The following RSPO3 variants were observed in gnomAD, a reference collection of about 807,000 sequenced individuals.
The protein encoded by RSPO3 is R-spondin 3, also known as R-spondin-3.
A neutral mutation model predicts 36.5 loss-of-function variants in RSPO3; 17 were observed. That is an observed-to-expected ratio of 0.47 (90% CI 0.32 to 0.70). RSPO3 has a LOEUF of 0.70. Among genes scored for constraint, RSPO3 ranks in the 30% least tolerant of loss-of-function variants. The pLI, the probability that RSPO3 is intolerant of heterozygous loss-of-function variation, is 0.04. For synonymous variants in RSPO3, 108 were observed against 107.0 expected (o/e 1.01, Z -0.06); for missense variants, 294 against 322.5 (o/e 0.91, Z 0.68).
At chr6:127,146,016 T>C (rs1319769888) in intron 1 of RSPO3, among the ~76,000 whole-genome samples, 2 of 152,148 alleles carry the variant, frequency 1.3e-5, no homozygotes, top group African/African-American at 4.8e-5. Flanking sequence ...ATGATCCTTA[T>C]ACGGCATTCA....
chr6:127,168,045 T>C (rs891048553), intron 4 of RSPO3, among the ~76,000 whole-genome samples: 1 of 152,192 alleles, frequency 6.6e-6, no homozygotes, highest in African/African-American at 2.4e-5. Flanking sequence ...CAATTGTGAA[T>C]AGTGCTGCAA....
At chr6:127,168,567 T>C (rs1289728763) in intron 4 of RSPO3, among the ~76,000 whole-genome samples, 1 of 152,258 alleles carries the variant, frequency 6.6e-6, no homozygotes, top group African/African-American at 2.4e-5. Context: ...ACTCTGATGG[T>C]AGTTTCTTTT....
chr6:127,164,908 T>G (rs1774784367), intron 4 of RSPO3, among the ~76,000 whole-genome samples: 1 of 152,090 alleles, frequency 6.6e-6, no homozygotes, highest in African/African-American at 2.4e-5. Flanking sequence ...CTTTTCCTAT[T>G]TTTGCAAAGA....
chr6:127,173,720 C>T (rs1435973902), intron 4 of RSPO3, among the ~76,000 whole-genome samples: 4 of 151,752 alleles, frequency 2.6e-5, no homozygotes, highest in Admixed American at 6.6e-5. Context: ...GGGAACACAA[C>T]GTGCATGTGC....
rs190734208 is a variant in RSPO3, at chr6:127,165,261, T to C, written c.634+9823T>C. Among the ~76,000 whole-genome samples, 193 of 152,096 alleles carry C rather than the reference T, an allele frequency of 1.3e-3. 2 individuals are homozygous for C. Among genetic ancestry groups the C allele is most frequent in the Non-Finnish European group, 1.4e-3 (92 of 67,972 alleles). On this transcript the variant is annotated intron_variant, in intron 4 of 4. Coordinates refer to ENST00000356698, the MANE Select transcript of RSPO3 (RefSeq NM_032784.5). Reference sequence around the variant, plus strand: ...GTCTTCACAGAAATAAGAACCTAGGTTTTCATAATGTAATTAGTAGAATAC... The same window carrying C: ...GTCTTCACAGAAATAAGAACCTAGGCTTTCATAATGTAATTAGTAGAATAC...
Position 127,176,564 on chromosome 6 carries a change from T to C in RSPO3, c.635-19259T>C, listed in dbSNP as rs959534397. Among the ~76,000 whole-genome samples, 3 of 151,398 alleles carry C rather than the reference T, an allele frequency of 2.0e-5. No individual in the cohort carries two copies. In the Admixed American group the frequency reaches 2.0e-4, roughly 10 times the overall value. On this transcript the variant is annotated intron_variant, in intron 4 of 4. Transcript: ENST00000356698. Reference sequence around the variant, plus strand: ...ACTATTTTTGATACGGTCAAACAAATACAAAGAATAAGCTTTTAAAAAACT... The same window carrying C: ...ACTATTTTTGATACGGTCAAACAAACACAAAGAATAAGCTTTTAAAAAACT...
intron 1 of RSPO3, among the ~76,000 whole-genome samples, chr6:127,129,565 C>G (rs963959919): frequency 2.0e-5 from 3 of 152,046 alleles, no homozygotes; most frequent in Admixed American, 2.0e-4. Context: ...AACGTCAGAC[C>G]TAGTTAATTG....
intron 4 of RSPO3, among the ~76,000 whole-genome samples, chr6:127,161,633 T>C (rs192608791): frequency 3.3e-5 from 5 of 152,212 alleles, no homozygotes; most frequent in Non-Finnish European, 5.9e-5. Context: ...GAATTATTTG[T>C]AGGCTTTTCT....
intron 4 of RSPO3, among the ~76,000 whole-genome samples, chr6:127,184,722 A>T (rs1171092500): frequency 6.6e-6 from 1 of 152,020 alleles, no homozygotes; most frequent in African/African-American, 2.4e-5. Flanking sequence ...GTTAAAAGTC[A>T]TATAAGTTAC....
chr6:127,181,167 T>C (rs540257479), intron 4 of RSPO3, among the ~76,000 whole-genome samples: 1 of 151,998 alleles, frequency 6.6e-6, no homozygotes, highest in South Asian at 2.1e-4. Flanking sequence ...CCCAAGGTCA[T>C]AGCAGCTATA....
intron 4 of RSPO3, among the ~76,000 whole-genome samples, chr6:127,188,016 C>T (rs1775331152): frequency 6.6e-6 from 1 of 152,070 alleles, no homozygotes; most frequent in Non-Finnish European, 1.5e-5. Flanking sequence ...TACCCAGTGC[C>T]TTTAATAGTT....
At position 127,134,596 on chromosome 6, in the gene RSPO3, G is replaced by A. The variant is rs551701001; in HGVS notation, c.98-14052G>A. On this transcript the variant is annotated intron_variant, in intron 1 of 4. Transcript: ENST00000356698. ...TGGATTCTTATGTAACTTTGTTGAT[G>A]ACCTTTCCTAACCTCAGTTGATAGC... 2.6e-5 allele frequency among the ~76,000 whole-genome samples: 4 copies of A among 152,244 alleles called. No individual in the cohort carries two copies. The East Asian group carries it at 7.7e-4, about 29-fold the overall frequency.
chr6:127,197,609 C>A lies in RSPO3; in HGVS notation c.*1602C>A. ...CTGTGATTCCTAGCCCTCTCAAGAT[C>A]ACTGCTTTCTGAAGAATTTGCAATG... is the stretch of plus-strand genomic sequence containing the variant. On this transcript the variant is annotated 3_prime_UTR_variant, in exon 5 of 5. Coordinates refer to ENST00000356698, the MANE Select transcript of RSPO3 (RefSeq NM_032784.5). 1 of 1,467,678 alleles carries A rather than the reference C, an allele frequency of 6.8e-7. No homozygotes were observed. The highest frequency in any genetic ancestry group is 1.4e-5 in the South Asian group (1 of 73,342). The allele number at this position is 1,467,678 out of a possible 1,614,324, so 90.9% of individuals were successfully genotyped here. A position where few individuals can be genotyped will look rare whatever the true frequency, so the allele number is the denominator to read the frequency against.
intron 4 of RSPO3, among the ~76,000 whole-genome samples, chr6:127,185,281 G>A (rs1373287554): frequency 6.6e-6 from 1 of 151,992 alleles, no homozygotes; most frequent in Non-Finnish European, 1.5e-5. Flanking sequence ...TAGAATGGGA[G>A]AAAAAGTACC....
At chr6:127,184,925 A>C (rs1775262023) in intron 4 of RSPO3, among the ~76,000 whole-genome samples, 1 of 151,990 alleles carries the variant, frequency 6.6e-6, no homozygotes, top group Non-Finnish European at 1.5e-5. Flanking sequence ...ATATACATTT[A>C]TATATAAAAA....
At chr6:127,194,406 A>C (rs1775472136) in intron 4 of RSPO3, among the ~76,000 whole-genome samples, 1 of 152,212 alleles carries the variant, frequency 6.6e-6, no homozygotes, top group Admixed American at 6.5e-5. Context: ...GTTGGTTCCT[A>C]GTTTTTGTTT....
In RSPO3 at chr6:127,167,695, T is replaced by C. The variant is rs59190421; in HGVS notation, c.634+12257T>C. Among the ~76,000 whole-genome samples the C allele has an allele frequency of 4.6e-3, 701 of 152,188 alleles. 4 individuals carry two copies. Among genetic ancestry groups the C allele is most frequent in the African/African-American group, 0.016 (655 of 41,538 alleles). On this transcript the variant is annotated intron_variant, in intron 4 of 4. Transcript: ENST00000356698. ...TTACATATGTATACATGTGCCATGT[T>C]GGTGTGCTGCACCCATTAACTCGTC...
chr6:127,131,767 AG>A (rs1774062330), intron 1 of RSPO3, among the ~76,000 whole-genome samples: 1 of 152,116 alleles, frequency 6.6e-6, no homozygotes, highest in Non-Finnish European at 1.5e-5. Context: ...CAACTCATGG[AG>A]GATCAAGTCA....
intron 1 of RSPO3, among the ~76,000 whole-genome samples, chr6:127,144,566 C>T (rs1164610604): frequency 6.6e-6 from 1 of 151,300 alleles, no homozygotes; most frequent in African/African-American, 2.4e-5. Flanking sequence ...GCTTATAATA[C>T]ATTTTGTTCT....
Sources: allele counts gnomAD v4.1 joint callset (sites outside exome capture counted in the v4.1 genomes callset), GRCh38; gene constraint gnomAD v4.1.1; transcripts MANE v1.5; gene names NCBI Gene and HGNC (gene_info 2026-07-23, HGNC 2026-07-21).